CSMD3: variants seen among roughly 807,000 people sequenced by gnomAD.
CSMD3 encodes the protein CUB and Sushi multiple domains 3.
CSMD3 carries 177 observed loss-of-function variants against 435.2 expected under a neutral mutation model. The ratio of observed to expected loss-of-function variants is 0.41; its 90% CI spans 0.36 to 0.46. The LOEUF (loss-of-function observed/expected upper bound fraction) is 0.46, where lower values mean the gene tolerates loss of function less well. Among genes scored for constraint, CSMD3 ranks in the 20% least tolerant of loss-of-function variants. The pLI, the probability that CSMD3 is intolerant of heterozygous loss-of-function variation, is 0.34. For synonymous variants in CSMD3, 1,656 were observed against 1,520.5 expected (o/e 1.09, Z -2.07); for missense variants, 4,265 against 4,504.6 (o/e 0.95, Z 1.52).
intron 12 of CSMD3, among the ~76,000 whole-genome samples, chr8:112,805,901 A>G (rs534561315): frequency 2.8e-4 from 42 of 152,282 alleles, no homozygotes; most frequent in East Asian, 9.7e-4. Flanking sequence ...CAGCATGTTG[A>G]TGGTTTGCTG....
intron 6 of CSMD3, among the ~76,000 whole-genome samples, chr8:112,992,638 A>G (rs1348149345): frequency 6.6e-6 from 1 of 151,882 alleles, no homozygotes; most frequent in African/African-American, 2.4e-5. Flanking sequence ...TGACTGAATA[A>G]TAAGTATTAG....
intron 24 of CSMD3, among the ~76,000 whole-genome samples, chr8:112,567,256 C>T (rs946458068): frequency 6.6e-6 from 1 of 152,118 alleles, no homozygotes; most frequent in South Asian, 2.1e-4. Flanking sequence ...TCTTATCACT[C>T]AGGTATCAAC....
At chr8:113,126,538 T>A (rs2091136281) in intron 4 of CSMD3, among the ~76,000 whole-genome samples, 2 of 151,984 alleles carry the variant, frequency 1.3e-5, no homozygotes, top group Non-Finnish European at 2.9e-5. Context: ...CCAATCTGGA[T>A]GACATTAATA....
chr8:112,231,651 C>T lies in CSMD3; in HGVS notation c.10741-19G>A. 2 of 1,413,830 alleles carry T rather than the reference C, an allele frequency of 1.4e-6. No individual in the cohort carries two copies. Among genetic ancestry groups the T allele is most frequent in the South Asian group, 1.1e-5 (1 of 86,978 alleles). 87.6% of individuals were successfully genotyped at this position (1,413,830 alleles called of 1,614,324 possible). On this transcript the variant is annotated intron_variant, in intron 68 of 70. Transcript: ENST00000297405. ...CAGAAACCTAAAAATATTTAAACAG[C>T]CAAATATACTTGAATACTGGCCATA...
chr8:112,665,945 GAAACC>G (rs2075512777), intron 17 of CSMD3, among the ~76,000 whole-genome samples: 2 of 152,016 alleles, frequency 1.3e-5, no homozygotes, highest in African/African-American at 2.4e-5. Context: ...TTCGCCTCTT[GAAACC>G]TAGCAGAGCA....
chr8:112,605,442 A>C (rs1832713246), intron 22 of CSMD3, among the ~76,000 whole-genome samples: 1 of 152,208 alleles, frequency 6.6e-6, no homozygotes, highest in Non-Finnish European at 1.5e-5. Context: ...AATACTACAT[A>C]GTCATAAAAA....
At chr8:112,662,342 A>G (rs533054875) in intron 17 of CSMD3, among the ~76,000 whole-genome samples, 83 of 152,282 alleles carry the variant, frequency 5.5e-4, no homozygotes, top group Non-Finnish European at 1.0e-3. Context: ...CCAACGGAAC[A>G]GAACAGAGCC....
intron 30 of CSMD3, among the ~76,000 whole-genome samples, chr8:112,494,571 CT>C (rs35517945): frequency 1.2e-4 from 11 of 93,722 alleles, no homozygotes; most frequent in African/African-American, 3.8e-4. Flanking sequence ...TTCTTTCTTT[CT>C]TTTCTTTCTT....
At chr8:113,333,267 A>T (rs1347817535) in intron 1 of CSMD3, among the ~76,000 whole-genome samples, 1 of 151,750 alleles carries the variant, frequency 6.6e-6, no homozygotes, top group African/African-American at 2.4e-5. Context: ...ATGACATAGC[A>T]AAAGTTTTTA....
At chr8:113,100,018 T>C (rs2090282305) in intron 4 of CSMD3, among the ~76,000 whole-genome samples, 1 of 152,098 alleles carries the variant, frequency 6.6e-6, no homozygotes, top group African/African-American at 2.4e-5. Context: ...CAAATGGAGA[T>C]GGACAATATC....
chr8:112,551,571 T>A (rs1287751907), intron 26 of CSMD3, among the ~76,000 whole-genome samples: 1 of 152,242 alleles, frequency 6.6e-6, no homozygotes, highest in South Asian at 2.1e-4. Flanking sequence ...CATCAAATAA[T>A]GTTTAATTTT....
chr8:113,086,998 C>A (rs931589798), intron 5 of CSMD3, among the ~76,000 whole-genome samples: 3 of 152,162 alleles, frequency 2.0e-5, no homozygotes, highest in Non-Finnish European at 2.9e-5. Context: ...TTTGTTGGAA[C>A]CGCATCGCAT....
intron 13 of CSMD3, among the ~76,000 whole-genome samples, chr8:112,771,511 C>T (rs1468508965): frequency 6.6e-6 from 1 of 151,700 alleles, no homozygotes; most frequent in Non-Finnish European, 1.5e-5. Flanking sequence ...CGCACTCCAG[C>T]CTGGGTGACA....
intron 13 of CSMD3, among the ~76,000 whole-genome samples, chr8:112,768,684 G>T (rs2078039186): frequency 6.6e-6 from 1 of 151,788 alleles, no homozygotes; most frequent in Non-Finnish European, 1.5e-5. Context: ...ATCAACATGA[G>T]AACTTGCTGA....
intron 3 of CSMD3, among the ~76,000 whole-genome samples, chr8:113,184,587 T>A (rs768603200): frequency 1.3e-5 from 2 of 152,042 alleles, no homozygotes; most frequent in Non-Finnish European, 2.9e-5. Flanking sequence ...GTCTTTGAAC[T>A]CAGATCCCTT....
intron 36 of CSMD3, among the ~76,000 whole-genome samples, chr8:112,389,407 A>G (rs1312289264): frequency 6.6e-6 from 1 of 152,204 alleles, no homozygotes; most frequent in African/African-American, 2.4e-5. Context: ...TTATTCTACT[A>G]TAATAAGATA....
chr8:112,951,421 C>G (rs1433269122), intron 8 of CSMD3, among the ~76,000 whole-genome samples: 5 of 151,756 alleles, frequency 3.3e-5, no homozygotes, highest in African/African-American at 9.7e-5. Context: ...TAAGTGGACT[C>G]TGACTAAAAT....
At chr8:112,972,196 T>C (rs1348853135) in intron 7 of CSMD3, among the ~76,000 whole-genome samples, 1 of 151,830 alleles carries the variant, frequency 6.6e-6, no homozygotes, top group Non-Finnish European at 1.5e-5. Context: ...CTGGGAACCA[T>C]TAATGATCAA....
chr8:113,199,441 A>G (rs2092694412), intron 3 of CSMD3, among the ~76,000 whole-genome samples: 1 of 151,816 alleles, frequency 6.6e-6, no homozygotes, highest in South Asian at 2.1e-4. Flanking sequence ...CTATTTTTAA[A>G]TAAGATGGTT....
Sources: allele counts gnomAD v4.1 joint callset (sites outside exome capture counted in the v4.1 genomes callset), GRCh38; gene constraint gnomAD v4.1.1; transcripts MANE v1.5; gene names NCBI Gene and HGNC (gene_info 2026-07-23, HGNC 2026-07-21).